Variants in LAPTM4B observed in about 807,000 individuals in gnomAD.
The protein encoded by LAPTM4B is lysosomal protein transmembrane 4 beta, also known as lysosomal-associated transmembrane protein 4B.
LAPTM4B carries 26 observed loss-of-function variants against 28.5 expected under a neutral mutation model. The observed-to-expected ratio is 0.91, with a 90% CI of 0.67 to 1.27. The LOEUF is 1.27. Among genes scored for constraint, LAPTM4B ranks in the 50% most tolerant of loss-of-function variants. The pLI is 0.00. For missense variants in LAPTM4B, 288 were observed against 285.8 expected (o/e 1.01, Z -0.06); for synonymous variants, 109 against 106.4 (o/e 1.02, Z -0.15).
intron 6 of LAPTM4B, among the ~76,000 whole-genome samples, chr8:97,835,468 G>A (rs1163017316): frequency 6.6e-6 from 1 of 152,138 alleles, no homozygotes; most frequent in Non-Finnish European, 1.5e-5. Flanking sequence ...AATGCGTAAC[G>A]CAGAAGGTCA....
chr8:97,842,646 G>A (rs1817367294), intron 6 of LAPTM4B, among the ~76,000 whole-genome samples: 1 of 152,062 alleles, frequency 6.6e-6, no homozygotes, highest in African/African-American at 2.4e-5. Context: ...AGCCTCCAGA[G>A]TAGTTGGGAC....
intron 1 of LAPTM4B, among the ~76,000 whole-genome samples, chr8:97,785,403 A>G (rs555829669): frequency 4.6e-5 from 7 of 152,224 alleles, no homozygotes; most frequent in Non-Finnish European, 8.8e-5. Context: ...TGTTTTACAG[A>G]CAAGGTGGCC....
intron 1 of LAPTM4B, among the ~76,000 whole-genome samples, chr8:97,787,286 T>C (rs925429063): frequency 1.4e-5 from 2 of 139,116 alleles, no homozygotes; most frequent in African/African-American, 2.5e-5. Flanking sequence ...GATGTTTCTT[T>C]CTTTTTTTTT....
At chr8:97,832,797 C>A (rs1374328363) in intron 6 of LAPTM4B, among the ~76,000 whole-genome samples, 2 of 150,200 alleles carry the variant, frequency 1.3e-5, no homozygotes, top group East Asian at 3.9e-4. Flanking sequence ...ACCTCTGCCT[C>A]CCAGGTTCAA....
chr8:97,787,106 T>C (rs1194761381), intron 1 of LAPTM4B, among the ~76,000 whole-genome samples: 1 of 151,998 alleles, frequency 6.6e-6, no homozygotes, highest in Non-Finnish European at 1.5e-5. Context: ...GTGGAGACAT[T>C]ACCAGCACCA....
At chr8:97,787,287 CTTTT>C (rs777122592) in intron 1 of LAPTM4B, among the ~76,000 whole-genome samples, 2 of 129,526 alleles carry the variant, frequency 1.5e-5, no homozygotes, top group East Asian at 3.2e-4. Context: ...ATGTTTCTTT[CTTTT>C]TTTTTTTTTT....
chr8:97,776,472 C>G (rs1816218592), intron 1 of LAPTM4B, among the ~76,000 whole-genome samples: 1 of 152,268 alleles, frequency 6.6e-6, no homozygotes, highest in Non-Finnish European at 1.5e-5. Context: ...TTCCTTTCTT[C>G]TTAAAGCCCG....
intron 6 of LAPTM4B, among the ~76,000 whole-genome samples, chr8:97,849,517 G>T (rs1817484574): frequency 6.6e-6 from 1 of 152,164 alleles, no homozygotes; most frequent in Non-Finnish European, 1.5e-5. Flanking sequence ...CTGAACATTT[G>T]CCCCAGACTC....
At chr8:97,809,994 A>G (rs549847928) in intron 2 of LAPTM4B, among the ~76,000 whole-genome samples, 12 of 152,250 alleles carry the variant, frequency 7.9e-5, no homozygotes, top group South Asian at 4.2e-4. Context: ...GTCGCACACA[A>G]TCTGGGCTTA....
At chr8:97,809,436 A>G (rs754210165) in intron 2 of LAPTM4B, among the ~76,000 whole-genome samples, 4 of 152,210 alleles carry the variant, frequency 2.6e-5, no homozygotes, top group Non-Finnish European at 5.9e-5. Context: ...GCGGTAGCTC[A>G]CATATGTAAT....
At chr8:97,780,212 G>A (rs938733502) in intron 1 of LAPTM4B, among the ~76,000 whole-genome samples, 9 of 151,988 alleles carry the variant, frequency 5.9e-5, no homozygotes, top group African/African-American at 1.9e-4. Flanking sequence ...ATCACCTGAG[G>A]TCAGGAGTTT....
At chr8:97,819,265 C>A in intron 5 of LAPTM4B, 27 bp downstream of exon 5, 1 of 1,370,186 alleles carries the variant, frequency 7.3e-7, no homozygotes, top group South Asian at 1.2e-5. Flanking sequence ...TACTTATAGT[C>A]TAAAAATATT....
rs1331742880 is a variant in LAPTM4B, at chr8:97,776,031, A to G, written c.22A>G (p.Thr8Ala). The G allele has an allele frequency of 6.3e-7, 1 of 1,580,968 alleles. No homozygotes were observed. The highest frequency in any genetic ancestry group is 1.1e-5 in the South Asian group (1 of 88,858). MKMVAPWTRFYSNSCCLC... is the reference protein window; with the variant it reads MKMVAPWARFYSNSCCLC... ...AGCGATGAAGATGGTCGCGCCCTGG[A>G]CGCGGTTCTACTCCAACAGCTGCTG... The change falls in exon 1 of 7, where the codon ACG (threonine) becomes GCG (alanine). Residue 8 changes from threonine to alanine, a missense_variant. By Grantham distance (58) the Thr-to-Ala change is moderately conservative. Coordinates refer to ENST00000521545, the MANE Select transcript of LAPTM4B (RefSeq NM_018407.6).
At chr8:97,827,017 A>G (rs1421828478) in intron 6 of LAPTM4B, among the ~76,000 whole-genome samples, 1 of 152,254 alleles carries the variant, frequency 6.6e-6, no homozygotes, top group Non-Finnish European at 1.5e-5. Flanking sequence ...TTCATGGCAC[A>G]TAGGGCTTAT....
chr8:97,803,446 T>C (rs1182706145), intron 1 of LAPTM4B, among the ~76,000 whole-genome samples: 1 of 151,354 alleles, frequency 6.6e-6, no homozygotes, highest in Non-Finnish European at 1.5e-5. Context: ...GCCCAACTAA[T>C]TTGCATTTTA....
rs1314381975 is a variant in LAPTM4B at position 97,816,309 on chromosome 8, G to A, written c.408+129G>A. 21 of 891,710 alleles carry A rather than the reference G, an allele frequency of 2.4e-5. No homozygotes were observed. The Middle Eastern group carries it at 2.9e-3, about 124-fold the overall frequency. The allele number at this position is 891,710 out of a possible 1,614,324, so 55.2% of individuals were successfully genotyped here. The stretch of plus-strand genomic sequence containing the variant: ...TAGCTTGCAGCTGAGTTACTCATAG[G>A]AAATTTCTTTTTTCTTTTTTTTGAG... On this transcript the variant is annotated intron_variant, in intron 4 of 6. Transcript: ENST00000521545.
At chr8:97,843,173 G>T (rs1022684733) in intron 6 of LAPTM4B, among the ~76,000 whole-genome samples, 3 of 152,112 alleles carry the variant, frequency 2.0e-5, no homozygotes, top group Non-Finnish European at 4.4e-5. Flanking sequence ...GAGCCACCGC[G>T]CCCGCCCTTA....
At position 97,851,738 on chromosome 8, in the gene LAPTM4B, C is replaced by T. The variant is rs547675840; in HGVS notation, c.*264C>T. 3.0e-4 allele frequency: 142 copies of T among 472,338 alleles called. No homozygotes were observed. The highest frequency in any genetic ancestry group is 5.8e-4 in the Admixed American group (16 of 27,448). 29.3% of individuals were successfully genotyped at this position (472,338 alleles called of 1,614,324 possible). ...AACCTTCCCTAGGCATTGAAACTTC[C>T]CCCAAATCTGATGGACCTAGAAGTC... On this transcript the variant is annotated 3_prime_UTR_variant, in exon 7 of 7. Transcript: ENST00000521545.
intron 6 of LAPTM4B, among the ~76,000 whole-genome samples, chr8:97,834,483 G>T (rs139095172): frequency 6.6e-6 from 1 of 152,104 alleles, no homozygotes; most frequent in Non-Finnish European, 1.5e-5. Context: ...TGCTCAAGTT[G>T]TGCTATCTTT....
Sources: gnomAD v4.1 joint callset for allele counts (sites outside exome capture counted in the v4.1 genomes callset) on GRCh38, gnomAD v4.1.1 for gene constraint, MANE v1.5 for transcripts, NCBI Gene and HGNC (gene_info 2026-07-23, HGNC 2026-07-21) for gene names.